Variants in TBC1D15 observed in about 807,000 individuals in gnomAD.
The protein encoded by TBC1D15 is GAP for RAB7.
In TBC1D15, 39 loss-of-function variants were observed where a neutral mutation model predicts 95.4. The observed-to-expected ratio is 0.41, with a 90% confidence interval of 0.32 to 0.53. TBC1D15 has a LOEUF of 0.53. Among genes scored for constraint, TBC1D15 ranks in the 20% least tolerant of loss-of-function variants. TBC1D15 has a pLI of 0.29. For missense variants in TBC1D15, 733 were observed against 794.3 expected (o/e 0.92, Z 0.93); for synonymous variants, 258 against 261.3 (o/e 0.99, Z 0.12).
chr12:71,911,878 T>C (rs1007349532), intron 11 of TBC1D15, among the ~76,000 whole-genome samples: 2 of 152,154 alleles, frequency 1.3e-5, no homozygotes, highest in Non-Finnish European at 2.9e-5. Flanking sequence ...AGAAGAAATA[T>C]GTAGTGATTC....
intron 11 of TBC1D15, 82 bp downstream of exon 11, chr12:71,907,220 G>A: frequency 1.3e-6 from 1 of 785,858 alleles, no homozygotes; most frequent in South Asian, 2.3e-5. Flanking sequence ...TTAGACATGG[G>A]TAATAGCTTT....
At chr12:71,922,600 C>G (rs1869851318) in intron 16 of TBC1D15, among the ~76,000 whole-genome samples, 1 of 152,160 alleles carries the variant, frequency 6.6e-6, no homozygotes. Flanking sequence ...GATACCTGTT[C>G]TCTTCCAAAG....
At position 71,920,766 on chromosome 12, in the gene TBC1D15, T is replaced by C; in HGVS notation, c.1635T>C (p.His545=). ...MWTELPCTNF[H]LLLCCAILES... ...CCGAACTACCATGTACAAATTTCCA[T>C]CTTCTTCTCTGTTGTGCTATTCTGG... The change falls in exon 15 of 17, where the codon CAT becomes CAC. Residue 545 remains histidine (H), a synonymous_variant. Transcript: ENST00000485960. 1 of 1,613,020 alleles carries C rather than the reference T, an allele frequency of 6.2e-7. No individual in the cohort carries two copies. Among genetic ancestry groups the C allele is most frequent in the South Asian group, 1.1e-5 (1 of 90,850 alleles).
chr12:71,854,599 G>A (rs758343407), intron 1 of TBC1D15: 14 of 456,568 alleles, frequency 3.1e-5, no homozygotes, highest in African/African-American at 1.0e-4. Flanking sequence ...AATTTTAACA[G>A]ATGGTATGTA....
At chr12:71,857,690 C>CT (rs1889408198) in intron 1 of TBC1D15, among the ~76,000 whole-genome samples, 1 of 152,024 alleles carries the variant, frequency 6.6e-6, no homozygotes, top group Non-Finnish European at 1.5e-5. Flanking sequence ...AACATTTATT[C>CT]TTTGTGTTAG....
At chr12:71,865,843 A>G (rs534845611) in intron 1 of TBC1D15, among the ~76,000 whole-genome samples, 6 of 152,076 alleles carry the variant, frequency 3.9e-5, no homozygotes, top group South Asian at 2.1e-4. Context: ...ATGCCCTTTC[A>G]GCTTTGGCCT....
intron 14 of TBC1D15, among the ~76,000 whole-genome samples, chr12:71,920,098 C>T (rs965700971): frequency 6.6e-6 from 1 of 152,026 alleles, no homozygotes; most frequent in South Asian, 2.1e-4. Context: ...TTATTAGGTA[C>T]ATGAAGCAGG....
intron 10 of TBC1D15, among the ~76,000 whole-genome samples, chr12:71,906,495 G>A (rs1900744928): frequency 6.6e-6 from 1 of 152,076 alleles, no homozygotes; most frequent in Non-Finnish European, 1.5e-5. Context: ...AGTAAATGTT[G>A]TAGATATGAA....
chr12:71,905,686 T>C (rs956878495), intron 10 of TBC1D15, among the ~76,000 whole-genome samples: 12 of 152,198 alleles, frequency 7.9e-5, no homozygotes, highest in African/African-American at 1.9e-4. Context: ...GTATTACTTT[T>C]GCTTATTTGA....
At chr12:71,887,064 T>C (rs1896366455) in intron 5 of TBC1D15, among the ~76,000 whole-genome samples, 1 of 152,164 alleles carries the variant, frequency 6.6e-6, no homozygotes, top group Non-Finnish European at 1.5e-5. Context: ...ACCTATTCTA[T>C]AGGTAAGAGA....
chr12:71,916,158 T>G (rs1017159197), intron 12 of TBC1D15, among the ~76,000 whole-genome samples: 10 of 152,016 alleles, frequency 6.6e-5, no homozygotes, highest in Non-Finnish European at 1.3e-4. Context: ...CCTCTCCATC[T>G]CCCCCTCCCC....
chr12:71,923,111 T>C lies in TBC1D15; in HGVS notation c.1932T>C (p.Asn644=). ...GTCCTACATCTGCATTTCAAAGTAA[T>C]GCCTTGCCTACACTCTCTGCCAGTG... ...TPCPTSAFQS[N]ALPTLSASGA... The change falls in exon 17 of 17, where the codon AAT becomes AAC. Residue 644 remains asparagine, a synonymous_variant. Transcript: ENST00000485960. 6.2e-7 allele frequency: 1 copy of C among 1,614,174 alleles called. No individual in the cohort carries two copies. Among genetic ancestry groups the C allele is most frequent in the Non-Finnish European group, 8.5e-7 (1 of 1,180,020 alleles).
intron 1 of TBC1D15, among the ~76,000 whole-genome samples, chr12:71,870,592 G>A (rs999767057): frequency 6.6e-6 from 1 of 152,116 alleles, no homozygotes; most frequent in Non-Finnish European, 1.5e-5. Context: ...AAGTAATGTG[G>A]AACCTTTATA....
chr12:71,896,169 T>A, intron 8 of TBC1D15, 94 bp downstream of exon 8: 1 of 1,270,562 alleles, frequency 7.9e-7, no homozygotes, highest in South Asian at 1.8e-5. Context: ...TTTTTTTTTG[T>A]TGTTGGTTTT....
intron 1 of TBC1D15, among the ~76,000 whole-genome samples, chr12:71,866,102 C>T (rs542598253): frequency 6.6e-5 from 10 of 152,034 alleles, no homozygotes; most frequent in South Asian, 4.2e-4. Context: ...TCCACTTGGC[C>T]CCACAGGGAA....
chr12:71,897,795 T>G, intron 9 of TBC1D15, 52 bp from the exon 10 acceptor site: 2 of 1,409,600 alleles, frequency 1.4e-6, no homozygotes, highest in Non-Finnish European at 2.0e-6. Context: ...TAAACAGTGT[T>G]AAAAATAAAG....
chr12:71,918,190 G>A (rs919734827), intron 13 of TBC1D15, among the ~76,000 whole-genome samples: 1 of 152,156 alleles, frequency 6.6e-6, no homozygotes, highest in African/African-American at 2.4e-5. Flanking sequence ...ATACTCTATT[G>A]CACTTTCTTC....
intron 1 of TBC1D15, among the ~76,000 whole-genome samples, chr12:71,866,447 C>T (rs139528025): frequency 5.3e-4 from 81 of 152,304 alleles, no homozygotes; most frequent in African/African-American, 1.9e-3. Flanking sequence ...CTCTTGTTTA[C>T]ATCCTTGCTT....
chr12:71,875,648 G>C (rs1592739572), intron 3 of TBC1D15, among the ~76,000 whole-genome samples: 1 of 151,552 alleles, frequency 6.6e-6, no homozygotes, highest in East Asian at 1.9e-4. Context: ...GGTCCATTTT[G>C]AGTTAATTTT....
Sources: gnomAD v4.1 joint callset for allele counts (sites outside exome capture counted in the v4.1 genomes callset) on GRCh38, gnomAD v4.1.1 for gene constraint, MANE v1.5 for transcripts, NCBI Gene and HGNC (gene_info 2026-07-23, HGNC 2026-07-21) for gene names.